SBF2: variants seen among roughly 807,000 people sequenced by gnomAD.
SBF2 encodes myotubularin-related protein 13.
SBF2 carries 112 observed loss-of-function variants against 225.2 expected under a neutral mutation model. That is an observed-to-expected ratio of 0.50 (90% CI 0.43 to 0.58). SBF2 has a LOEUF of 0.58. Among genes scored for constraint, SBF2 ranks in the 20% least tolerant of loss-of-function variants. SBF2 has a pLI of 0.00. For missense variants in SBF2, 1,996 were observed against 2,206.2 expected (o/e 0.90, Z 1.91); for synonymous variants, 763 against 773.3 (o/e 0.99, Z 0.22).
At chr11:10,060,369 G>A (rs534802037) in intron 2 of SBF2, among the ~76,000 whole-genome samples, 84 of 152,234 alleles carry the variant, frequency 5.5e-4, no homozygotes, top group African/African-American at 1.8e-3. Flanking sequence ...AACAAGCTCC[G>A]AAACTGAATC....
At position 9,937,448 on chromosome 11, in the gene SBF2, CA is replaced by C. The variant is rs551975722; in HGVS notation, c.1860+24508del. On this transcript the variant is annotated intron_variant, in intron 16 of 39. Transcript: ENST00000256190. The stretch of plus-strand genomic sequence containing the variant: ...TTTATCAGCCAATACAAATAACAAG[CA>C]AAATGGGAACAGAAGAAAACTAGTT... 1.2e-3 allele frequency among the ~76,000 whole-genome samples: 180 copies of C among 152,068 alleles called. 1 individual carries two copies. The highest frequency in any genetic ancestry group is 4.2e-3 in the African/African-American group (175 of 41,508).
chr11:10,295,537 G>A (rs1964479831), upstream of SBF2, among the ~76,000 whole-genome samples: 1 of 151,284 alleles, frequency 6.6e-6, no homozygotes, highest in African/African-American at 2.4e-5. Flanking sequence ...TGAATCAGCT[G>A]AATTTGCAAA....
intron 28 of SBF2, among the ~76,000 whole-genome samples, chr11:9,824,996 C>T (rs147651456): frequency 7.9e-5 from 12 of 152,172 alleles, no homozygotes; most frequent in Admixed American, 3.3e-4. Context: ...AAGAACGAAG[C>T]GTGTATCTTA....
intron 2 of SBF2, among the ~76,000 whole-genome samples, chr11:10,177,682 G>C (rs977656117): frequency 6.6e-6 from 1 of 151,930 alleles, no homozygotes; most frequent in African/African-American, 2.4e-5. Context: ...ACTGCTCAAG[G>C]AAATAAAAGA....
intron 2 of SBF2, among the ~76,000 whole-genome samples, chr11:10,069,383 C>T (rs1950768809): frequency 7.0e-6 from 1 of 143,060 alleles, no homozygotes; most frequent in African/African-American, 2.6e-5. Context: ...TTGTTCAATT[C>T]CCACCTATGA....
chr11:10,075,912 T>C lies in SBF2; in HGVS notation c.142-32931A>G, dbSNP rs540898074. On this transcript the variant is annotated intron_variant, in intron 2 of 39. Coordinates refer to ENST00000256190, the MANE Select transcript of SBF2 (RefSeq NM_030962.4). ...CCATTTCTGGTAGTTTTTTTTTTTT[T>C]CTGCGAGTTGGCAAATTAGAGGCTT... is the stretch of plus-strand genomic sequence containing the variant. Among the ~76,000 whole-genome samples, 14 of 152,204 alleles carry C rather than the reference T, an allele frequency of 9.2e-5. No homozygotes were observed. The East Asian group carries it at 1.5e-3, about 17-fold the overall frequency.
At chr11:10,204,375 G>A (rs1178171746) in intron 1 of SBF2, among the ~76,000 whole-genome samples, 3 of 151,784 alleles carry the variant, frequency 2.0e-5, no homozygotes, top group East Asian at 3.9e-4. Context: ...GGTGACTCAC[G>A]CCTGTAATAT....
chr11:9,982,308 C>A (rs1237417025), intron 13 of SBF2, among the ~76,000 whole-genome samples: 1 of 152,164 alleles, frequency 6.6e-6, no homozygotes, highest in Non-Finnish European at 1.5e-5. Flanking sequence ...ATCTTTATGT[C>A]TTACAAGAGA....
At chr11:9,914,456 A>G (rs1862904914) in intron 16 of SBF2, among the ~76,000 whole-genome samples, 1 of 152,242 alleles carries the variant, frequency 6.6e-6, no homozygotes, top group Non-Finnish European at 1.5e-5. Context: ...AGTCTTTTCA[A>G]CAAATGATGC....
rs565480231 is a variant in SBF2 at position 9,913,086 on chromosome 11, C to A, written c.1861-17075G>T. 2.6e-5 allele frequency among the ~76,000 whole-genome samples: 4 copies of A among 152,208 alleles called. No homozygotes were observed. The South Asian group carries it at 8.3e-4, about 32-fold the overall frequency. The stretch of plus-strand genomic sequence containing the variant: ...ATGGCTTGAGCCCAGGAGTTCAAGA[C>A]CAGCCTGGGCAACATGGTGAAACCC... On this transcript the variant is annotated intron_variant, in intron 16 of 39. Coordinates refer to ENST00000256190, the MANE Select transcript of SBF2 (RefSeq NM_030962.4).
intron 6 of SBF2, among the ~76,000 whole-genome samples, chr11:10,011,095 G>T (rs1338085109): frequency 2.6e-5 from 4 of 152,016 alleles, no homozygotes; most frequent in South Asian, 4.1e-4. Context: ...AAAACTAAGA[G>T]AAGAAATAAA....
In SBF2 at chr11:10,075,263, T is replaced by C. The variant is rs79282210; in HGVS notation, c.142-32282A>G. The stretch of plus-strand genomic sequence containing the variant: ...CAAAATACATCATTACTGTCAAGAT[T>C]AAGTGATATCATGCATGTAAACTGG... On this transcript the variant is annotated intron_variant, in intron 2 of 39. Transcript: ENST00000256190. Among the ~76,000 whole-genome samples, 22 of 152,356 alleles carry C rather than the reference T, an allele frequency of 1.4e-4. No homozygotes were observed. The East Asian group carries it at 4.0e-3, about 28-fold the overall frequency.
intron 2 of SBF2, among the ~76,000 whole-genome samples, chr11:10,158,125 AT>A (rs770979497): frequency 4.6e-5 from 7 of 152,228 alleles, no homozygotes; most frequent in South Asian, 2.1e-4. Context: ...AAGTAAAAAA[AT>A]ATCTTGAGAA....
intron 2 of SBF2, among the ~76,000 whole-genome samples, chr11:10,159,132 T>C (rs574248515): frequency 1.3e-5 from 2 of 150,960 alleles, no homozygotes; most frequent in South Asian, 4.2e-4. Flanking sequence ...ACTGAGACAG[T>C]GAAAGAGATC....
intron 25 of SBF2, among the ~76,000 whole-genome samples, chr11:9,842,268 G>A (rs1451198126): frequency 6.6e-6 from 1 of 152,156 alleles, no homozygotes; most frequent in Non-Finnish European, 1.5e-5. Flanking sequence ...AACTTGAAAT[G>A]TTCAATGTCC....
Position 10,050,405 on chromosome 11 carries a change from G to A in SBF2, c.142-7424C>T, listed in dbSNP as rs149794158. 1.8e-4 allele frequency among the ~76,000 whole-genome samples: 27 copies of A among 152,138 alleles called. No individual in the cohort carries two copies. The East Asian group carries it at 4.8e-3, about 27-fold the overall frequency. Reference sequence around the variant, plus strand: ...CTGTGGATAATACCGAACCCTGTATGTACTATGTATGTATGTATATGGAAC... The same window carrying A: ...CTGTGGATAATACCGAACCCTGTATATACTATGTATGTATGTATATGGAAC... On this transcript the variant is annotated intron_variant, in intron 2 of 39. Coordinates refer to ENST00000256190, the MANE Select transcript of SBF2 (RefSeq NM_030962.4).
At chr11:9,993,555 A>T (rs769613233) in intron 10 of SBF2, among the ~76,000 whole-genome samples, 15 of 152,200 alleles carry the variant, frequency 9.9e-5, no homozygotes, top group Admixed American at 2.6e-4. Context: ...TATAACCAAC[A>T]TTCTTTATAT....
intron 2 of SBF2, among the ~76,000 whole-genome samples, chr11:10,164,006 T>C (rs143961821): frequency 6.8e-4 from 103 of 152,338 alleles, no homozygotes; most frequent in African/African-American, 2.4e-3. Context: ...GGCTTCTCAC[T>C]ACTCTATCAA....
intron 1 of SBF2, among the ~76,000 whole-genome samples, chr11:10,245,983 G>A (rs1240310323): frequency 6.6e-6 from 1 of 152,174 alleles, no homozygotes; most frequent in Non-Finnish European, 1.5e-5. Context: ...TGAGGGTGGA[G>A]AACTGGGGAG....
Sources: gnomAD v4.1 joint callset for allele counts (sites outside exome capture counted in the v4.1 genomes callset) on GRCh38, gnomAD v4.1.1 for gene constraint, MANE v1.5 for transcripts, NCBI Gene and HGNC (gene_info 2026-07-23, HGNC 2026-07-21) for gene names.